Variants in VPS33B observed in about 807,000 individuals in gnomAD.
VPS33B encodes the protein VPS33B late endosome and lysosome associated.
Under a neutral mutation model 95.3 loss-of-function variants are expected in VPS33B, and 80 were observed. That is an observed-to-expected ratio of 0.84 (90% CI 0.70 to 1.01). The LOEUF is 1.01. Ranked by LOEUF, VPS33B falls within the 50% of genes least tolerant of loss-of-function variation. The pLI, the probability that VPS33B is intolerant of heterozygous loss-of-function variation, is 0.00. For missense variants in VPS33B, 715 were observed against 773.4 expected (o/e 0.92, Z 0.90); for synonymous variants, 280 against 280.4 (o/e 1.00, Z 0.01).
rs1210039612 is a variant in VPS33B, at chr15:91,002,184, T to C, written c.1273-2A>G. ...TAGCAGGTGCTCAGGGCCATAGCTC[T>C]GAAGAAGATGCAATTAGACTATTTA... On this transcript the variant is annotated splice_acceptor_variant, in intron 17 of 22. Coordinates refer to ENST00000333371, the MANE Select transcript of VPS33B (RefSeq NM_018668.5). LOFTEE classifies it high-confidence loss of function. The surrounding 1 kb of genome is among the most constrained non-coding windows in gnomAD (Gnocchi z 4.7). 2 of 1,614,150 alleles carry C rather than the reference T, an allele frequency of 1.2e-6. No individual in the cohort carries two copies. Among genetic ancestry groups the C allele is most frequent in the Admixed American group, 1.7e-5 (1 of 60,012 alleles).
rs2040826035 is a variant in VPS33B at position 91,013,153 on chromosome 15, C to A, written c.357+651G>T. ...TAGAGTTTGTGTTAGGGATACAGAG[C>A]AGGTTCTACCTCGCAAGCGTGAAGC... On this transcript the variant is annotated intron_variant, in intron 5 of 22. Coordinates refer to ENST00000333371, the MANE Select transcript of VPS33B (RefSeq NM_018668.5). The surrounding 1 kb of genome is among the most constrained non-coding windows in gnomAD (Gnocchi z 4.5). Among the ~76,000 whole-genome samples the A allele has an allele frequency of 6.6e-6, 1 of 152,196 alleles. No homozygotes were observed. Among genetic ancestry groups the A allele is most frequent in the East Asian group, 1.9e-4 (1 of 5,200 alleles).
intron 16 of VPS33B, 43 bp from the exon 17 acceptor site, chr15:91,003,174 G>A (rs781458307): frequency 1.1e-5 from 17 of 1,601,222 alleles, no homozygotes; most frequent in Admixed American, 1.0e-4. Flanking sequence ...GAAAGAGGCC[G>A]GCAGAGGCAC....
At chr15:91,003,060 C>G (rs2040488710) in intron 17 of VPS33B, 25 bp downstream of exon 17, 5 of 1,613,922 alleles carry the variant, frequency 3.1e-6, no homozygotes, top group African/African-American at 1.3e-5. Flanking sequence ...CAAGTTCCCT[C>G]AAGAATACAT....
At chr15:91,008,306 C>A (rs2040675668) in intron 6 of VPS33B, among the ~76,000 whole-genome samples, 1 of 152,202 alleles carries the variant, frequency 6.6e-6, no homozygotes, top group Non-Finnish European at 1.5e-5. Context: ...CAATTTTCAT[C>A]CAGGCTGGAG....
At position 91,006,970 on chromosome 15, in the gene VPS33B, T is replaced by C. The variant is rs760894269; in HGVS notation, c.680A>G (p.His227Arg). 131 of 1,614,072 alleles carry C rather than the reference T, an allele frequency of 8.1e-5. No homozygotes were observed. Among genetic ancestry groups the C allele is most frequent in the Non-Finnish European group, 1.4e-5 (17 of 1,180,050 alleles). ...TTTACCTCTGTCCAAGAGAAAGATA[T>C]GTCCAATCTCTGGCCTTCGGCCCTT... The part of the protein sequence containing the change: ...ETKGRRPEIG[H>R]IFLLDRDVDF... Residue 227 changes from histidine (H) to arginine (R), a missense_variant, in exon 9 of 23, where the codon CAT (histidine) becomes CGT (arginine). Physicochemically the swap from His to Arg is conservative, Grantham distance 29. Coordinates refer to ENST00000333371, the MANE Select transcript of VPS33B (RefSeq NM_018668.5). This position sits in a 1 kb window ranked among gnomAD's most constrained non-coding sequence, Gnocchi z 5.4.
intron 2 of VPS33B, among the ~76,000 whole-genome samples, chr15:91,017,419 T>C (rs1254883911): frequency 3.0e-5 from 3 of 101,032 alleles, no homozygotes; most frequent in East Asian, 5.7e-4. Flanking sequence ...TATATATATA[T>C]ATATTCTGTA....
In VPS33B at chr15:91,013,966, C is replaced by T. The variant is rs1001494041; in HGVS notation, c.290-95G>A. On this transcript the variant is annotated intron_variant, in intron 4 of 22. Transcript: ENST00000333371. The surrounding 1 kb of genome is among the most constrained non-coding windows in gnomAD (Gnocchi z 4.5). ...GGGCACAGTGGTTCACGCCTGTAATCCCAGCACTTGGGAGGCTGAGGCGGG... is the reference window on the plus strand; with the variant it reads ...GGGCACAGTGGTTCACGCCTGTAATTCCAGCACTTGGGAGGCTGAGGCGGG... 10 of 1,464,092 alleles carry T rather than the reference C, an allele frequency of 6.8e-6. No individual in the cohort carries two copies. The Admixed American group carries it at 1.0e-4, about 15-fold the overall frequency. 90.7% of individuals were successfully genotyped at this position (1,464,092 alleles called of 1,614,324 possible). A position where few individuals can be genotyped will look rare whatever the true frequency, so the allele number is the denominator to read the frequency against.
intron 16 of VPS33B, among the ~76,000 whole-genome samples, chr15:91,004,580 T>C (rs1455597219): frequency 6.6e-6 from 1 of 152,198 alleles, no homozygotes; most frequent in Non-Finnish European, 1.5e-5. Context: ...ATCTTTATCT[T>C]ATTGAAAATA....
chr15:91,009,267 CTT>C lies in VPS33B; in HGVS notation c.403+532_403+533del, dbSNP rs1210944787. ...TTCTTTTCCCTCCCTCCCTCTCTCT[CTT>C]TCTCTCTTTTCTTTTATTTTCTTTC... On this transcript the variant is annotated intron_variant, in intron 6 of 22. Coordinates refer to ENST00000333371, the MANE Select transcript of VPS33B (RefSeq NM_018668.5). The surrounding 1 kb of genome is among the most constrained non-coding windows in gnomAD (Gnocchi z 4.1). Among the ~76,000 whole-genome samples the C allele has an allele frequency of 3.3e-5, 5 of 149,580 alleles. No homozygotes were observed. Among genetic ancestry groups the C allele is most frequent in the African/African-American group, 2.5e-5 (1 of 39,540 alleles).
In VPS33B at chr15:91,007,979, A is replaced by G; in HGVS notation, c.404-15T>C. The G allele has an allele frequency of 6.2e-7, 1 of 1,613,600 alleles. No homozygotes were observed. Among genetic ancestry groups the G allele is most frequent in the Non-Finnish European group, 8.5e-7 (1 of 1,179,490 alleles). ...ACAGCTCACATCTGTGGGGACAGAG[A>G]GCATCAGCCTCCCTGCAGAAGGTAC... On this transcript the variant is annotated splice_polypyrimidine_tract_variant and intron_variant, in intron 6 of 22. Transcript: ENST00000333371. The surrounding 1 kb of genome is among the most constrained non-coding windows in gnomAD (Gnocchi z 5.3).
chr15:91,018,119 T>C lies in VPS33B; in HGVS notation c.97-234A>G. 1 of 529,780 alleles carries C rather than the reference T, an allele frequency of 1.9e-6. No individual in the cohort carries two copies. Among genetic ancestry groups the C allele is most frequent in the Non-Finnish European group, 3.5e-6 (1 of 288,084 alleles). 32.8% of individuals were successfully genotyped at this position (529,780 alleles called of 1,614,324 possible). On this transcript the variant is annotated intron_variant, in intron 1 of 22. Coordinates refer to ENST00000333371, the MANE Select transcript of VPS33B (RefSeq NM_018668.5). The surrounding 1 kb of genome is among the most constrained non-coding windows in gnomAD (Gnocchi z 4.7). ...TGGGAAGAAGACATCCCACCTTCTT[T>C]CTCAGGTTAACTCCTTGTCACTCAA...
rs947076291 is a variant in VPS33B, at chr15:90,999,500, G to A, written c.1774+177C>T. On this transcript the variant is annotated intron_variant, in intron 22 of 22. Transcript: ENST00000333371. The surrounding 1 kb of genome is among the most constrained non-coding windows in gnomAD (Gnocchi z 5.1). ...TGCCTGGCTAATTTTTGTATTTTTC[G>A]TAGAGATGGGGTTTCACCATGTTGG... 6.2e-5 allele frequency: 45 copies of A among 723,228 alleles called. No homozygotes were observed. In the Admixed American group the frequency reaches 7.0e-4, roughly 11 times the overall value. The allele number at this position is 723,228 out of a possible 1,614,324, so 44.8% of individuals were successfully genotyped here. A position where few individuals can be genotyped will look rare whatever the true frequency, so the allele number is the denominator to read the frequency against.
At chr15:91,001,654 A>G (rs938306446) in intron 18 of VPS33B, among the ~76,000 whole-genome samples, 192 bp from the exon 19 acceptor site, 5 of 152,054 alleles carry the variant, frequency 3.3e-5, no homozygotes, top group Non-Finnish European at 7.4e-5. Flanking sequence ...TCCCCCTCCT[A>G]CGGGGTACCA....
chr15:91,005,481 A>C lies in VPS33B; in HGVS notation c.1031-27T>G, dbSNP rs1274411277. On this transcript the variant is annotated intron_variant, in intron 13 of 22. Coordinates refer to ENST00000333371, the MANE Select transcript of VPS33B (RefSeq NM_018668.5). The surrounding 1 kb of genome is among the most constrained non-coding windows in gnomAD (Gnocchi z 6.4). ...TGCAGGTTGGACAAAGGGAGCTGAC[A>C]TACTCCTGGTTCTAGAAAGATGTCC... is the stretch of plus-strand genomic sequence containing the variant. 1.2e-6 allele frequency: 2 copies of C among 1,613,588 alleles called. No homozygotes were observed. The highest frequency in any genetic ancestry group is 1.7e-6 in the Non-Finnish European group (2 of 1,179,742).
rs2040596211 is a variant in VPS33B at position 91,006,149 on chromosome 15, C to G, written c.853-90G>C. The G allele has an allele frequency of 6.8e-7, 1 of 1,479,464 alleles. No homozygotes were observed. The highest frequency in any genetic ancestry group is 1.2e-5 in the South Asian group (1 of 86,362). The allele number at this position is 1,479,464 out of a possible 1,614,324, so 91.6% of individuals were successfully genotyped here. The stretch of plus-strand genomic sequence containing the variant: ...AGTACAGGAAGGGTACTCAGGTGTT[C>G]TGGCAGAAATACAAAGAAAGCTGAG... On this transcript the variant is annotated intron_variant, in intron 11 of 22. Coordinates refer to ENST00000333371, the MANE Select transcript of VPS33B (RefSeq NM_018668.5). The surrounding 1 kb of genome is among the most constrained non-coding windows in gnomAD (Gnocchi z 5.4).
At position 91,007,504 on chromosome 15, in the gene VPS33B, A is replaced by C; in HGVS notation, c.568T>G (p.Phe190Val). The change falls in exon 8 of 23, where the codon TTT becomes GTT. Residue 190 changes from phenylalanine to valine, a missense_variant. By Grantham distance (50) the Phe-to-Val change is conservative. Coordinates refer to ENST00000333371, the MANE Select transcript of VPS33B (RefSeq NM_018668.5). The surrounding 1 kb of genome is among the most constrained non-coding windows in gnomAD (Gnocchi z 5.3). ...LHLLSTLYGP[F>V]PNCYGIGRCA... ...CTGCCAATTCCATAGCAGTTTGGAA[A>C]GGGTCCATAGAGAGTGCTGAGAAGG... 6.2e-7 allele frequency: 1 copy of C among 1,614,210 alleles called. No individual in the cohort carries two copies. Among genetic ancestry groups the C allele is most frequent in the Non-Finnish European group, 8.5e-7 (1 of 1,180,044 alleles).
At chr15:91,016,670 C>T (rs962830206) in intron 3 of VPS33B, among the ~76,000 whole-genome samples, 3 of 152,196 alleles carry the variant, frequency 2.0e-5, no homozygotes, top group South Asian at 4.1e-4. Context: ...AGGCATGAGC[C>T]GCCGCACCCA....
chr15:91,002,200 A>T lies in VPS33B; in HGVS notation c.1273-18T>A. On this transcript the variant is annotated intron_variant, in intron 17 of 22. Coordinates refer to ENST00000333371, the MANE Select transcript of VPS33B (RefSeq NM_018668.5). The surrounding 1 kb of genome is among the most constrained non-coding windows in gnomAD (Gnocchi z 4.7). ...CCATAGCTCTGAAGAAGATGCAATT[A>T]GACTATTTACTGAGTGTCCAAAGAG... 1 of 1,613,978 alleles carries T rather than the reference A, an allele frequency of 6.2e-7. No individual in the cohort carries two copies. The highest frequency in any genetic ancestry group is 8.5e-7 in the Non-Finnish European group (1 of 1,179,944).
chr15:91,007,669 G>C lies in VPS33B; in HGVS notation c.499-96C>G, dbSNP rs971166246. The C allele has an allele frequency of 1.1e-5, 15 of 1,386,184 alleles. No individual in the cohort carries two copies. In the African/African-American group the frequency reaches 2.0e-4, roughly 18 times the overall value. The allele number at this position is 1,386,184 out of a possible 1,614,324, so 85.9% of individuals were successfully genotyped here. A position where few individuals can be genotyped will look rare whatever the true frequency, so the allele number is the denominator to read the frequency against. On this transcript the variant is annotated intron_variant, in intron 7 of 22. Transcript: ENST00000333371. This position sits in a 1 kb window ranked among gnomAD's most constrained non-coding sequence, Gnocchi z 5.3. ...AGAAGCCCTGGAGCAGGGTGGCAGGGCCTGGGGGATGCTTGAAAGGTTTTC... is the reference window on the plus strand; with the variant it reads ...AGAAGCCCTGGAGCAGGGTGGCAGGCCCTGGGGGATGCTTGAAAGGTTTTC...
Sources: gnomAD v4.1 joint callset for allele counts (sites outside exome capture counted in the v4.1 genomes callset) on GRCh38, gnomAD v4.1.1 for gene constraint, Gnocchi (gnomAD v3.1) non-coding constraint, MANE v1.5 for transcripts, NCBI Gene and HGNC (gene_info 2026-07-23, HGNC 2026-07-21) for gene names.